SLC1A2: variants seen among roughly 807,000 people sequenced by gnomAD.
The protein encoded by SLC1A2 is excitatory amino acid transporter 2.
Under a neutral mutation model 48.8 loss-of-function variants are expected in SLC1A2, and 15 were observed. The observed-to-expected ratio is 0.31, with a 90% CI of 0.21 to 0.47. The LOEUF (loss-of-function observed/expected upper bound fraction) is 0.47. SLC1A2 is among the 20% of genes least tolerant of loss of function. The pLI is 0.99. For synonymous variants in SLC1A2, 279 were observed against 272.6 expected, an observed-to-expected ratio of 1.02 and a Z score of -0.23; for missense variants, 502 against 730.5, an observed-to-expected ratio of 0.69 and a Z score of 3.61.
At position 35,311,502 on chromosome 11, in the gene SLC1A2, G is replaced by A. The variant is rs1851687467; in HGVS notation, c.561+696C>T. Among the ~76,000 whole-genome samples, 3 of 152,176 alleles carry A rather than the reference G, an allele frequency of 2.0e-5. No individual in the cohort carries two copies. In the South Asian group the frequency reaches 6.2e-4, roughly 31 times the overall value. ...AAGATTATGCACACTTGCATAAGTG[G>A]CAAAAGAAAAATACAGGGGAGGAAA... On this transcript the variant is annotated intron_variant, in intron 4 of 10. Coordinates refer to ENST00000278379, the MANE Select transcript of SLC1A2 (RefSeq NM_004171.4).
At chr11:35,411,580 C>G (rs114912974) in intron 1 of SLC1A2, among the ~76,000 whole-genome samples, 22 of 152,256 alleles carry the variant, frequency 1.4e-4, no homozygotes, top group African/African-American at 5.3e-4. Context: ...CTCAGCCTCC[C>G]GAATAGCTAG....
intron 1 of SLC1A2, among the ~76,000 whole-genome samples, chr11:35,395,241 T>C (rs534691733): frequency 2.0e-5 from 3 of 151,788 alleles, no homozygotes; most frequent in Admixed American, 2.0e-4. Context: ...CTCAGGTGAC[T>C]TCCTGTCAAA....
At chr11:35,318,046 T>C (rs568502116) in intron 1 of SLC1A2, among the ~76,000 whole-genome samples, 2 of 152,246 alleles carry the variant, frequency 1.3e-5, no homozygotes, top group South Asian at 2.1e-4. Flanking sequence ...TTGGAAAAGA[T>C]AGTTTATCTA....
At chr11:35,342,848 C>G (rs1188598792) in intron 1 of SLC1A2, among the ~76,000 whole-genome samples, 1 of 152,176 alleles carries the variant, frequency 6.6e-6, no homozygotes, top group African/African-American at 2.4e-5. Flanking sequence ...AATGCAGCAT[C>G]TCTTTTCTGA....
At chr11:35,262,100 G>C (rs1950402902) in intron 10 of SLC1A2, among the ~76,000 whole-genome samples, 1 of 152,234 alleles carries the variant, frequency 6.6e-6, no homozygotes, top group Non-Finnish European at 1.5e-5. Context: ...TGCTTGAAAT[G>C]GTTAAAGTTT....
intron 7 of SLC1A2, among the ~76,000 whole-genome samples, chr11:35,288,239 G>A (rs1850888017): frequency 6.6e-6 from 1 of 152,196 alleles, no homozygotes; most frequent in Non-Finnish European, 1.5e-5. Flanking sequence ...AACCTTAGGA[G>A]AGCCAGATTT....
intron 1 of SLC1A2, among the ~76,000 whole-genome samples, chr11:35,410,698 G>GC (rs1855431483): frequency 6.6e-6 from 1 of 152,104 alleles, no homozygotes. Context: ...TTCCAGCACA[G>GC]CCCCATTCAA....
chr11:35,392,235 C>T (rs1304515296), intron 1 of SLC1A2: 1 of 152,102 alleles, frequency 6.6e-6, no homozygotes, highest in East Asian at 1.9e-4. Flanking sequence ...GTTTTTGTTT[C>T]CTGGTTTAAG....
chr11:35,306,685 T>G (rs115069545), intron 4 of SLC1A2, among the ~76,000 whole-genome samples: 5,757 of 152,260 alleles, frequency 0.038, 133 homozygotes, highest in African/African-American at 0.061. Flanking sequence ...GTCCTTCCCC[T>G]TTCCCCCCAC....
intron 1 of SLC1A2, among the ~76,000 whole-genome samples, chr11:35,383,926 G>A (rs1390084627): frequency 6.6e-6 from 1 of 152,120 alleles, no homozygotes; most frequent in Non-Finnish European, 1.5e-5. Context: ...CTTCCATGGG[G>A]TTCTTCATGC....
intron 1 of SLC1A2, among the ~76,000 whole-genome samples, chr11:35,356,497 A>C (rs947279479): frequency 1.3e-5 from 2 of 152,242 alleles, no homozygotes; most frequent in Non-Finnish European, 2.9e-5. Context: ...AACCCTGGGC[A>C]GAAGGCCCTT....
At position 35,256,086 on chromosome 11, in the gene SLC1A2, C is replaced by T. The variant is rs1950311481; in HGVS notation, c.*4808G>A. The T allele has an allele frequency of 6.6e-6, 1 of 152,124 alleles. No individual in the cohort carries two copies. Among genetic ancestry groups the T allele is most frequent in the South Asian group, 2.1e-4 (1 of 4,832 alleles). 9.4% of individuals were successfully genotyped at this position (152,124 alleles called of 1,614,324 possible). On this transcript the variant is annotated 3_prime_UTR_variant, in exon 11 of 11. Coordinates refer to ENST00000278379, the MANE Select transcript of SLC1A2 (RefSeq NM_004171.4). ...GGGATTTTAGTCATTTAATCCAACC[C>T]CTTCACTTTTCATATGGGAGAAAAT...
intron 9 of SLC1A2, among the ~76,000 whole-genome samples, chr11:35,269,758 T>G (rs939091484): frequency 6.6e-6 from 1 of 152,172 alleles, no homozygotes; most frequent in Non-Finnish European, 1.5e-5. Context: ...GAAAAAGAAC[T>G]CTGGCCAATG....
chr11:35,398,899 T>C (rs1855055687), intron 1 of SLC1A2, among the ~76,000 whole-genome samples: 1 of 152,200 alleles, frequency 6.6e-6, no homozygotes. Flanking sequence ...AGGCTTAGCC[T>C]CCACTCCATT....
At chr11:35,417,354 T>C (rs1565314639) in intron 1 of SLC1A2, among the ~76,000 whole-genome samples, 2 of 152,336 alleles carry the variant, frequency 1.3e-5, no homozygotes, top group South Asian at 2.1e-4. Context: ...GCCATCAAAA[T>C]AGGGAGTGAG....
intron 1 of SLC1A2, among the ~76,000 whole-genome samples, chr11:35,325,367 A>T (rs1852206475): frequency 6.6e-6 from 1 of 152,108 alleles, no homozygotes; most frequent in African/African-American, 2.4e-5. Flanking sequence ...GGCATTTTTC[A>T]CAGTTTACTT....
At chr11:35,299,465 T>C (rs889704149) in intron 6 of SLC1A2, 2 of 152,036 alleles carry the variant, frequency 1.3e-5, no homozygotes, top group Non-Finnish European at 2.9e-5. Context: ...TAGCATTGCC[T>C]GAGAAGCTGA....
chr11:35,272,380 A>T (rs1290941151), intron 9 of SLC1A2, among the ~76,000 whole-genome samples: 1 of 152,258 alleles, frequency 6.6e-6, no homozygotes, highest in Non-Finnish European at 1.5e-5. Flanking sequence ...ACTAGAATAC[A>T]GAGCCCTCTC....
At chr11:35,357,123 G>A (rs1161132060) in intron 1 of SLC1A2, among the ~76,000 whole-genome samples, 1 of 152,040 alleles carries the variant, frequency 6.6e-6, no homozygotes, top group Admixed American at 6.5e-5. Context: ...TGGACATGGT[G>A]GCACATGTCT....
Sources: allele counts gnomAD v4.1 joint callset (sites outside exome capture counted in the v4.1 genomes callset), GRCh38; gene constraint gnomAD v4.1.1; transcripts MANE v1.5; gene names NCBI Gene and HGNC (gene_info 2026-07-23, HGNC 2026-07-21).